Variants in AGBL4 observed in about 807,000 individuals in gnomAD.
AGBL4 encodes the protein AGBL carboxypeptidase 4, also known as cytosolic carboxypeptidase 6.
AGBL4 carries 58 observed loss-of-function variants against 66.4 expected under a neutral mutation model. The observed-to-expected ratio is 0.87, with a 90% confidence interval of 0.71 to 1.09. The LOEUF (loss-of-function observed/expected upper bound fraction) is 1.09. AGBL4 is among the 50% of genes least tolerant of loss of function. AGBL4 has a pLI of 0.00. For missense variants in AGBL4, 579 were observed against 631.0 expected, an observed-to-expected ratio of 0.92 and a Z score of 0.88; for synonymous variants, 234 against 222.9, an observed-to-expected ratio of 1.05 and a Z score of -0.44.
intron 5 of AGBL4, among the ~76,000 whole-genome samples, chr1:48,951,708 C>T (rs1251866633): frequency 6.6e-6 from 1 of 152,138 alleles, no homozygotes; most frequent in Admixed American, 6.6e-5. Context: ...TCCAGACTCC[C>T]GAACTGTGAG....
At chr1:49,754,179 T>C (rs2147845504) in intron 2 of AGBL4, among the ~76,000 whole-genome samples, 1 of 152,294 alleles carries the variant, frequency 6.6e-6, no homozygotes, top group Non-Finnish European at 1.5e-5. Flanking sequence ...TCAGCCTTTT[T>C]ACACGGGTTT....
intron 3 of AGBL4, among the ~76,000 whole-genome samples, chr1:49,666,295 T>C (rs1176016660): frequency 6.6e-6 from 1 of 152,152 alleles, no homozygotes; most frequent in African/African-American, 2.4e-5. Flanking sequence ...CCAGGCACAG[T>C]GGCCCATGCA....
At chr1:49,043,341 A>C (rs901634996) in intron 5 of AGBL4, among the ~76,000 whole-genome samples, 1 of 152,122 alleles carries the variant, frequency 6.6e-6, no homozygotes, top group Non-Finnish European at 1.5e-5. Flanking sequence ...TGTAAGTAAG[A>C]GAATGAGGTC....
At chr1:48,756,674 T>G (rs1643947107) in intron 6 of AGBL4, among the ~76,000 whole-genome samples, 1 of 152,212 alleles carries the variant, frequency 6.6e-6, no homozygotes, top group African/African-American at 2.4e-5. Context: ...ATCCTTTTAT[T>G]TTATTCTTGC....
At chr1:49,282,382 G>T (rs934531962) in intron 3 of AGBL4, among the ~76,000 whole-genome samples, 1 of 152,268 alleles carries the variant, frequency 6.6e-6, no homozygotes, top group Middle Eastern at 3.4e-3. Context: ...AGGAGTAGGG[G>T]TATGGTACTA....
intron 2 of AGBL4, among the ~76,000 whole-genome samples, chr1:49,836,320 T>C (rs1645848476): frequency 6.6e-6 from 1 of 152,228 alleles, no homozygotes; most frequent in Non-Finnish European, 1.5e-5. Context: ...TTTATTTCAT[T>C]AAGTTGATCT....
At chr1:49,355,187 T>C (rs1643994468) in intron 3 of AGBL4, among the ~76,000 whole-genome samples, 1 of 152,220 alleles carries the variant, frequency 6.6e-6, no homozygotes, top group African/African-American at 2.4e-5. Flanking sequence ...TCGATCCAAC[T>C]ACTTAATTGA....
At chr1:48,573,907 T>G (rs1644608373) in intron 11 of AGBL4, among the ~76,000 whole-genome samples, 1 of 152,262 alleles carries the variant, frequency 6.6e-6, no homozygotes, top group Middle Eastern at 3.4e-3. Context: ...AACAACACTG[T>G]GAGGTAAATA....
rs1159165223 is a variant in AGBL4, at chr1:49,258,861, C to T, written c.283-12997G>A. On this transcript the variant is annotated intron_variant, in intron 3 of 13. Coordinates refer to ENST00000371839, the MANE Select transcript of AGBL4 (RefSeq NM_032785.4). ...CTCCAAGACACATAATTGTCAGATT[C>T]ACCAAAGTTGCAATGAAGTAAAAAA... 2.6e-5 allele frequency among the ~76,000 whole-genome samples: 4 copies of T among 152,120 alleles called. No homozygotes were observed. In the East Asian group the frequency reaches 7.7e-4, roughly 29 times the overall value.
At chr1:49,920,241 G>A (rs1179816777) in intron 1 of AGBL4, among the ~76,000 whole-genome samples, 1 of 152,248 alleles carries the variant, frequency 6.6e-6, no homozygotes, top group Non-Finnish European at 1.5e-5. Flanking sequence ...TGACAAATGG[G>A]ATCTAATTAA....
chr1:49,807,512 T>C (rs1187445888), intron 2 of AGBL4, among the ~76,000 whole-genome samples: 2 of 152,250 alleles, frequency 1.3e-5, no homozygotes, highest in African/African-American at 2.4e-5. Flanking sequence ...TGTGATTTCA[T>C]AGGTACATAG....
chr1:50,005,257 G>T (rs1487279940), intron 1 of AGBL4, among the ~76,000 whole-genome samples: 1 of 152,250 alleles, frequency 6.6e-6, no homozygotes, highest in East Asian at 1.9e-4. Context: ...GAGTTCTTCT[G>T]CCACCCCTCC....
intron 3 of AGBL4, among the ~76,000 whole-genome samples, chr1:49,566,407 T>C (rs936665946): frequency 9.9e-5 from 15 of 152,142 alleles, no homozygotes; most frequent in Non-Finnish European, 2.1e-4. Flanking sequence ...TTCTGCTCTG[T>C]TTTTTCCCCA....
At chr1:48,536,258 A>G (rs913976764) in intron 12 of AGBL4, among the ~76,000 whole-genome samples, 1 of 152,190 alleles carries the variant, frequency 6.6e-6, no homozygotes. Context: ...GAAAACAGCT[A>G]ACTTGTTCAG....
At chr1:48,985,807 T>A (rs1055414693) in intron 5 of AGBL4, among the ~76,000 whole-genome samples, 4 of 151,808 alleles carry the variant, frequency 2.6e-5, no homozygotes, top group Non-Finnish European at 4.4e-5. Context: ...GAAAATAAAT[T>A]GAAATAAATG....
intron 3 of AGBL4, among the ~76,000 whole-genome samples, chr1:49,335,050 C>T (rs1005834057): frequency 6.6e-6 from 1 of 152,208 alleles, no homozygotes; most frequent in African/African-American, 2.4e-5. Context: ...ATTCAACTGC[C>T]TGCTGGACAT....
intron 5 of AGBL4, among the ~76,000 whole-genome samples, chr1:48,928,286 A>T (rs1009503516): frequency 2.0e-5 from 3 of 152,188 alleles, no homozygotes; most frequent in Non-Finnish European, 4.4e-5. Context: ...ATCCGCACTT[A>T]CAGGGGTTTG....
intron 3 of AGBL4, among the ~76,000 whole-genome samples, chr1:49,335,481 G>A (rs1645414609): frequency 6.6e-6 from 1 of 151,852 alleles, no homozygotes; most frequent in African/African-American, 2.4e-5. Context: ...ACACTCTAAT[G>A]ATTTCCTAAC....
chr1:49,827,370 TAGAA>T (rs1227367021), intron 2 of AGBL4, among the ~76,000 whole-genome samples: 7 of 152,086 alleles, frequency 4.6e-5, no homozygotes, highest in African/African-American at 1.7e-4. Flanking sequence ...CTAGAATGAC[TAGAA>T]AGCTATTAGA....
Sources: gnomAD v4.1 joint callset for allele counts (sites outside exome capture counted in the v4.1 genomes callset) on GRCh38, gnomAD v4.1.1 for gene constraint, MANE v1.5 for transcripts, NCBI Gene and HGNC (gene_info 2026-07-23, HGNC 2026-07-21) for gene names.